MYO15B: variants seen among roughly 807,000 people sequenced by gnomAD.
The protein encoded by MYO15B is myosin XVB pseudogene.
MYO15B carries 207 observed loss-of-function variants against 119.3 expected under a neutral mutation model. The ratio of observed to expected loss-of-function variants is 1.73; its 90% CI spans 1.55 to 1.95. MYO15B has a LOEUF of 1.95. Among genes scored for constraint, MYO15B ranks in the 30% most tolerant of loss-of-function variants. The pLI is 0.00. For synonymous variants in MYO15B, 966 were observed against 498.9 expected (o/e 1.94, Z -12.48); for missense variants, 2,264 against 1,203.1 (o/e 1.88, Z -13.04).
At chr17:75,620,009 G>A (rs1436725592) in exon 47 of MYO15B, 2 of 701,400 alleles carry the variant, frequency 2.9e-6, no homozygotes, top group Non-Finnish European at 5.2e-6. Flanking sequence ...ATTCCTGAAT[G>A]AGCTTAAGAA....
chr17:75,615,144 C>A, intron 33 of MYO15B, 96 bp from the exon 34 acceptor site: 1 of 676,580 alleles, frequency 1.5e-6, no homozygotes, highest in South Asian at 1.6e-5. Flanking sequence ...CCCTGGCCAG[C>A]ACCCCGGTGC....
chr17:75,612,807 C>T (rs2058110776), exon 26 of MYO15B: 1 of 702,894 alleles, frequency 1.4e-6, no homozygotes, highest in South Asian at 1.5e-5. Context: ...GGAACCGTCC[C>T]TGCCCAGGCC....
At chr17:75,591,528 C>A (rs2056449702) in intron 4 of MYO15B, 73 bp from the exon 5 acceptor site, 2 of 697,386 alleles carry the variant, frequency 2.9e-6, no homozygotes, top group Non-Finnish European at 2.6e-6. Flanking sequence ...GGTGGCACAT[C>A]CCACTTCCTG....
intron 1 of MYO15B, 88 bp downstream of exon 1, chr17:75,590,331 C>T: frequency 2.5e-6 from 1 of 398,770 alleles, no homozygotes; most frequent in East Asian, 3.6e-5. Context: ...TGCGTGTAGA[C>T]CCTTATTGAA....
rs538875635 is a variant in MYO15B, at chr17:75,609,775, G to A, written c.4293-391G>A. On this transcript the variant is annotated intron_variant, in intron 21 of 63. Transcript: ENST00000645453. Reference sequence around the variant, plus strand: ...GGCTGGAGTGCAATGGCGCGATCTCGGCTCACTTGAATCTCCACCTCCCAG... The same window carrying A: ...GGCTGGAGTGCAATGGCGCGATCTCAGCTCACTTGAATCTCCACCTCCCAG... Among the ~76,000 whole-genome samples the A allele has an allele frequency of 1.4e-3, 192 of 139,436 alleles. 2 individuals are homozygous for A. Among genetic ancestry groups the A allele is most frequent in the African/African-American group, 4.6e-3 (174 of 37,898 alleles). The allele number at this position is 139,436 out of a possible 152,430, so 91.5% of individuals were successfully genotyped here.
At chr17:75,620,602 A>T (rs545266486) in exon 49 of MYO15B, 1 of 702,244 alleles carries the variant, frequency 1.4e-6, no homozygotes. Flanking sequence ...TCCAACGGGG[A>T]ACCAGGGCTG....
At chr17:75,617,827 G>A in exon 42 of MYO15B, 3 of 702,710 alleles carry the variant, frequency 4.3e-6, no homozygotes, top group East Asian at 2.7e-5. Flanking sequence ...ACAGCCCGTG[G>A]AGGACCAGGG....
At chr17:75,594,302 G>T (rs985559531) in intron 9 of MYO15B, among the ~76,000 whole-genome samples, 173 bp from the exon 10 acceptor site, 1 of 152,136 alleles carries the variant, frequency 6.6e-6, no homozygotes, top group Non-Finnish European at 1.5e-5. Flanking sequence ...AGTAGGACTC[G>T]AACTCAGGGC....
chr17:75,626,005 G>C (rs1250674384), intron 62 of MYO15B, 28 bp downstream of exon 62: 1 of 699,336 alleles, frequency 1.4e-6, no homozygotes, highest in East Asian at 2.7e-5. Flanking sequence ...CTCAGCACTG[G>C]CCTAGGGACC....
chr17:75,603,462 C>T, intron 19 of MYO15B, 150 bp downstream of exon 19: 1 of 327,808 alleles, frequency 3.1e-6, no homozygotes, highest in Non-Finnish European at 5.8e-6. Flanking sequence ...TCCTCTCATC[C>T]TCTCTCTCTC....
intron 9 of MYO15B, chr17:75,593,044 C>T: frequency 1.9e-6 from 1 of 530,698 alleles, no homozygotes; most frequent in Non-Finnish European, 3.3e-6. Flanking sequence ...AAGCTGCCAC[C>T]CCTAAGAACA....
At chr17:75,596,040 T>G (rs928196917) in intron 12 of MYO15B, among the ~76,000 whole-genome samples, 1 of 152,204 alleles carries the variant, frequency 6.6e-6, no homozygotes, top group Non-Finnish European at 1.5e-5. Flanking sequence ...GGCACAAAGC[T>G]GCATGAAGCT....
At position 75,610,911 on chromosome 17, in the gene MYO15B, G is replaced by A. The variant is rs1403552138; in HGVS notation, c.4398G>A (p.Trp1466Ter). 2 of 702,936 alleles carry A rather than the reference G, an allele frequency of 2.8e-6. No homozygotes were observed. Among genetic ancestry groups the A allele is most frequent in the Admixed American group, 2.0e-5 (1 of 50,006 alleles). The allele number at this position is 702,936 out of a possible 1,614,324, so 43.5% of individuals were successfully genotyped here. A position where few individuals can be genotyped will look rare whatever the true frequency, so the allele number is the denominator to read the frequency against. ...ATCTCTTCCAACAGCTTGGGCGTTG[G>A]CAGGGCTGGCATAGCAGCGAAAGGG... Residue 1466 changes from tryptophan (W) to a stop codon, truncating the protein, a stop_gained, in exon 23 of 64, where the codon TGG becomes TGA. Transcript: ENST00000645453. LOFTEE classifies it high-confidence loss of function.
chr17:75,620,734 C>G (rs1197214300), intron 49 of MYO15B, 98 bp downstream of exon 49: 7 of 693,922 alleles, frequency 1.0e-5, no homozygotes, highest in Non-Finnish European at 1.8e-5. Flanking sequence ...TGCGGTGGGA[C>G]CACCCTGCTG....
intron 12 of MYO15B, 123 bp downstream of exon 12, chr17:75,595,095 C>T (rs952421696): frequency 3.2e-5 from 20 of 627,144 alleles, no homozygotes; most frequent in African/African-American, 1.3e-4. Context: ...TCTGGCAGGG[C>T]GCTTTCAGGG....
intron 14 of MYO15B, among the ~76,000 whole-genome samples, chr17:75,597,174 T>C (rs2056919817): frequency 1.3e-5 from 2 of 152,112 alleles, no homozygotes; most frequent in Non-Finnish European, 1.5e-5. Flanking sequence ...AGGGGGACAG[T>C]AGTGCCCGAT....
At chr17:75,601,535 G>A (rs904067402) in exon 15 of MYO15B, 9 of 703,018 alleles carry the variant, frequency 1.3e-5, no homozygotes, top group Middle Eastern at 2.3e-4. Context: ...TTCACCGTGC[G>A]ACATTATGCA....
exon 25 of MYO15B, chr17:75,612,010 C>G: frequency 1.4e-6 from 1 of 703,010 alleles, no homozygotes; most frequent in Non-Finnish European, 2.6e-6. Context: ...TCGCCATCGG[C>G]TTTCAGGTGG....
chr17:75,605,190 C>T (rs1181343908), intron 19 of MYO15B, among the ~76,000 whole-genome samples: 1 of 151,792 alleles, frequency 6.6e-6, no homozygotes, highest in Non-Finnish European at 1.5e-5. Flanking sequence ...GTAATCCCAG[C>T]ACTTTGGGAG....
Sources: allele counts gnomAD v4.1 joint callset (sites outside exome capture counted in the v4.1 genomes callset), GRCh38; gene constraint gnomAD v4.1.1; transcripts MANE v1.5; gene names NCBI Gene and HGNC (gene_info 2026-07-23, HGNC 2026-07-21).